The following PDE4D variants were observed in gnomAD, a reference collection of about 807,000 sequenced individuals.
PDE4D encodes phosphodiesterase 4D.
A neutral mutation model predicts 87.4 loss-of-function variants in PDE4D; 24 were observed. That is an observed-to-expected ratio of 0.27 (90% CI 0.20 to 0.39). The LOEUF (loss-of-function observed/expected upper bound fraction) is 0.39. Among genes scored for constraint, PDE4D ranks in the 10% least tolerant of loss-of-function variants. The pLI is 1.00. For synonymous variants in PDE4D, 384 were observed against 383.2 expected (o/e 1.00, Z -0.02); for missense variants, 714 against 1,041.0 (o/e 0.69, Z 4.32).
chr5:60,098,060 C>G (rs1775850598), intron 2 of PDE4D, among the ~76,000 whole-genome samples: 1 of 151,892 alleles, frequency 6.6e-6, no homozygotes, highest in Admixed American at 6.6e-5. Context: ...CTGAAATTTT[C>G]CATTAAATCT....
chr5:59,713,383 G>T (rs1754498225), intron 1 of PDE4D, among the ~76,000 whole-genome samples: 1 of 152,178 alleles, frequency 6.6e-6, no homozygotes, highest in Non-Finnish European at 1.5e-5. Flanking sequence ...TCACCCACAT[G>T]AGCTTGTAAC....
intron 1 of PDE4D, among the ~76,000 whole-genome samples, chr5:59,628,396 G>A (rs1294509932): frequency 6.6e-6 from 1 of 152,104 alleles, no homozygotes; most frequent in African/African-American, 2.4e-5. Context: ...TAGCAGAAAT[G>A]TTCTATATCT....
In PDE4D at chr5:60,123,226, C is replaced by T. The variant is rs527998216; in HGVS notation, c.42+62331G>A. ...TTCAACCTCTGCCTGTTGGGCAATT[C>T]CAAAGTCGCTTCCACATTTCAGGTA... On this transcript the variant is annotated intron_variant, in intron 2 of 16. Transcript: ENST00000502484. Among the ~76,000 whole-genome samples, 11 of 152,278 alleles carry T rather than the reference C, an allele frequency of 7.2e-5. No homozygotes were observed. In the South Asian group the frequency reaches 2.1e-3, roughly 29 times the overall value.
intron 1 of PDE4D, among the ~76,000 whole-genome samples, chr5:60,265,027 G>C (rs1202942894): frequency 6.6e-6 from 1 of 152,172 alleles, no homozygotes; most frequent in Non-Finnish European, 1.5e-5. Context: ...GCAAGTGGTT[G>C]AAAAGTGGAA....
chr5:59,246,840 T>G lies in PDE4D; in HGVS notation c.456-30872A>C, dbSNP rs192049176. Among the ~76,000 whole-genome samples the G allele has an allele frequency of 4.4e-3, 676 of 152,322 alleles. 6 individuals carry two copies. Among genetic ancestry groups the G allele is most frequent in the African/African-American group, 0.014 (589 of 41,584 alleles). ...GATCTTTATCCAGATGAAGTGAGAC[T>G]ATTTTACTACTTTGTCAGAACTCTA... On this transcript the variant is annotated intron_variant, in intron 1 of 14. Transcript: ENST00000340635.
intron 1 of PDE4D, among the ~76,000 whole-genome samples, chr5:59,232,564 GT>G (rs1222760092): frequency 2.0e-5 from 3 of 149,986 alleles, no homozygotes; most frequent in African/African-American, 7.4e-5. Flanking sequence ...GGAATTCTTA[GT>G]TGGTGGGAAT....
At chr5:59,449,266 T>A (rs1798792921) in intron 1 of PDE4D, among the ~76,000 whole-genome samples, 1 of 152,182 alleles carries the variant, frequency 6.6e-6, no homozygotes, top group African/African-American at 2.4e-5. Context: ...GTCCCCCTTT[T>A]ACTACTTGAG....
At chr5:59,199,070 T>C (rs1001887626) in intron 2 of PDE4D, among the ~76,000 whole-genome samples, 2 of 152,150 alleles carry the variant, frequency 1.3e-5, no homozygotes, top group Non-Finnish European at 2.9e-5. Flanking sequence ...GGAGATACAG[T>C]TAATTAGAAG....
intron 2 of PDE4D, among the ~76,000 whole-genome samples, chr5:59,200,042 CGTATGTACACACAT>C (rs1436520803): frequency 9.5e-6 from 1 of 105,688 alleles, no homozygotes; most frequent in Non-Finnish European, 2.1e-5. Context: ...TGCACACACA[CGTATGTACACACAT>C]GCATGTACAC....
intron 2 of PDE4D, among the ~76,000 whole-genome samples, chr5:60,065,890 A>C (rs953818145): frequency 9.2e-5 from 14 of 152,208 alleles, no homozygotes; most frequent in African/African-American, 3.1e-4. Flanking sequence ...TGCAGCTATA[A>C]ACATACGTGT....
At position 59,893,226 on chromosome 5, in the gene PDE4D, G is replaced by T. The variant is rs866796539; in HGVS notation, c.397C>A (p.Arg133=). The T allele has an allele frequency of 1.3e-6, 2 of 1,560,584 alleles. No individual in the cohort carries two copies. The change falls in exon 1 of 15, where the codon CGG becomes AGG. Residue 133 remains arginine, a synonymous_variant. Transcript: ENST00000340635. ...RTSYAVETGH[R]PGLKKSRMSW... is the part of the protein sequence containing the mutation. The stretch of plus-strand genomic sequence containing the variant: ...ATCCTGGATTTCTTCAGGCCGGGCC[G>T]GTGGCCGGTCTCCACCGCGTAGGAG...
chr5:60,038,918 A>T (rs1297816450), intron 2 of PDE4D, among the ~76,000 whole-genome samples: 1 of 151,322 alleles, frequency 6.6e-6, no homozygotes, highest in Non-Finnish European at 1.5e-5. Flanking sequence ...AATGGTGATC[A>T]TTAAAAAGTC....
intron 1 of PDE4D, among the ~76,000 whole-genome samples, chr5:59,725,619 C>A (rs1005577594): frequency 6.6e-6 from 1 of 151,984 alleles, no homozygotes; most frequent in Admixed American, 6.6e-5. Flanking sequence ...TGATTTATAG[C>A]CCTGGTTCTT....
intron 1 of PDE4D, among the ~76,000 whole-genome samples, chr5:59,222,091 T>A (rs757340070): frequency 6.6e-6 from 1 of 152,058 alleles, no homozygotes; most frequent in Non-Finnish European, 1.5e-5. Flanking sequence ...ACCAGCCCCC[T>A]ACAAGAAACA....
intron 2 of PDE4D, among the ~76,000 whole-genome samples, chr5:60,174,104 C>T (rs1169555630): frequency 2.0e-5 from 3 of 151,714 alleles, no homozygotes; most frequent in Non-Finnish European, 2.9e-5. Flanking sequence ...CCAGCAAGCA[C>T]TTGGTTAGAG....
chr5:60,338,627 G>A (rs369902694), intron 1 of PDE4D, among the ~76,000 whole-genome samples: 5 of 152,206 alleles, frequency 3.3e-5, no homozygotes, highest in East Asian at 1.9e-4. Context: ...CTTAGTAGCC[G>A]TCTCTTTGGC....
intron 1 of PDE4D, among the ~76,000 whole-genome samples, chr5:60,388,707 C>T (rs562466895): frequency 1.3e-5 from 2 of 152,242 alleles, no homozygotes; most frequent in South Asian, 2.1e-4. Context: ...TAGAGTCCTG[C>T]CTTGGGCAAG....
intron 1 of PDE4D, among the ~76,000 whole-genome samples, chr5:59,313,353 G>T (rs998763756): frequency 3.3e-5 from 5 of 152,024 alleles, no homozygotes; most frequent in Non-Finnish European, 7.4e-5. Context: ...ATGTCTAAAT[G>T]CCTCACACTG....
intron 5 of PDE4D, among the ~76,000 whole-genome samples, chr5:59,135,146 T>G (rs1776853556): frequency 6.6e-6 from 1 of 152,196 alleles, no homozygotes; most frequent in Admixed American, 6.5e-5. Flanking sequence ...AAGGATGCAC[T>G]TATTTGGAAG....
Sources: gnomAD v4.1 joint callset for allele counts (sites outside exome capture counted in the v4.1 genomes callset) on GRCh38, gnomAD v4.1.1 for gene constraint, MANE v1.5 for transcripts, NCBI Gene and HGNC (gene_info 2026-07-23, HGNC 2026-07-21) for gene names.